NBAS: variants seen among roughly 807,000 people sequenced by gnomAD.
The protein encoded by NBAS is NAG/BC035112 fusion.
In NBAS, 219 loss-of-function variants were observed where a neutral mutation model predicts 302.5. The ratio of observed to expected loss-of-function variants is 0.72; its 90% CI spans 0.65 to 0.81. NBAS has a LOEUF of 0.81. Among genes scored for constraint, NBAS ranks in the 30% least tolerant of loss-of-function variants. The probability of loss-of-function intolerance (pLI) is 0.00; values close to 1 mark genes in which losing one functional copy is unlikely to be tolerated. For missense variants in NBAS, 2,932 were observed against 2,841.6 expected (o/e 1.03, Z -0.72); for synonymous variants, 1,118 against 1,021.6 (o/e 1.09, Z -1.80).
intron 42 of NBAS, among the ~76,000 whole-genome samples, chr2:15,283,336 A>T (rs1163468353): frequency 4.6e-5 from 7 of 151,972 alleles, no homozygotes; most frequent in African/African-American, 1.2e-4. Flanking sequence ...CCCAAATCTC[A>T]TCTTGAATTA....
At chr2:14,865,230 TC>T in the NBAS span, among the ~76,000 whole-genome samples, 11 of 151,052 alleles carry the variant, frequency 7.3e-5, no homozygotes, top group Middle Eastern at 7.0e-3. Context: ...CTAACTTCTT[TC>T]CCCATCACCT....
At chr2:15,191,249 A>C (rs1200934211) in intron 48 of NBAS, among the ~76,000 whole-genome samples, 4 of 152,230 alleles carry the variant, frequency 2.6e-5, no homozygotes, top group Non-Finnish European at 4.4e-5. Flanking sequence ...AATGAGAATG[A>C]ATGGTTACCT....
the NBAS span, among the ~76,000 whole-genome samples, chr2:14,796,369 CTACA>C: frequency 2.0e-5 from 3 of 152,160 alleles, no homozygotes; most frequent in Admixed American, 6.5e-5. Flanking sequence ...CTGTTAGTTT[CTACA>C]TAAAGTGACT....
chr2:15,210,849 G>A (rs1666375028), intron 48 of NBAS, among the ~76,000 whole-genome samples: 2 of 152,178 alleles, frequency 1.3e-5, no homozygotes, highest in African/African-American at 4.8e-5. Flanking sequence ...AGGTCATAAT[G>A]TTAAGTGAAA....
chr2:15,233,785 G>A (rs1667477775), intron 46 of NBAS, among the ~76,000 whole-genome samples: 1 of 152,010 alleles, frequency 6.6e-6, no homozygotes, highest in Non-Finnish European at 1.5e-5. Context: ...ACTGATAAAG[G>A]CTCATTTGAT....
At chr2:15,046,081 G>A in the NBAS span, among the ~76,000 whole-genome samples, 28 of 152,254 alleles carry the variant, frequency 1.8e-4, no homozygotes, top group East Asian at 4.1e-3. Flanking sequence ...CATAGGCACT[G>A]TCTCTCCTTA....
At chr2:14,779,574 G>A in the NBAS span, among the ~76,000 whole-genome samples, 3 of 152,000 alleles carry the variant, frequency 2.0e-5, no homozygotes, top group East Asian at 1.9e-4. Flanking sequence ...CCTGCTATCC[G>A]CTCTGCCTAC....
intron 31 of NBAS, among the ~76,000 whole-genome samples, chr2:15,366,908 A>G (rs946731711): frequency 7.4e-4 from 113 of 152,200 alleles, no homozygotes; most frequent in Admixed American, 7.4e-3. Context: ...CTTCATAACC[A>G]AACTTCTGAA....
At chr2:15,196,144 C>G (rs1665609568) in intron 48 of NBAS, among the ~76,000 whole-genome samples, 1 of 152,188 alleles carries the variant, frequency 6.6e-6, no homozygotes, top group Non-Finnish European at 1.5e-5. Flanking sequence ...CTCGGGCTCT[C>G]TCTGCCTTAC....
At chr2:15,505,197 A>G (rs946731866) in intron 10 of NBAS, among the ~76,000 whole-genome samples, 7 of 152,226 alleles carry the variant, frequency 4.6e-5, no homozygotes, top group African/African-American at 1.4e-4. Context: ...ACCTGCCACA[A>G]GGTGTGGTGG....
At chr2:14,817,367 A>G in the NBAS span, among the ~76,000 whole-genome samples, 1 of 152,152 alleles carries the variant, frequency 6.6e-6, no homozygotes, top group Non-Finnish European at 1.5e-5. Flanking sequence ...TACATATTTC[A>G]TAACTATGTT....
chr2:15,469,002 T>G (rs531892798), intron 16 of NBAS, among the ~76,000 whole-genome samples: 2 of 152,346 alleles, frequency 1.3e-5, no homozygotes, highest in South Asian at 4.2e-4. Context: ...GTGAATAACT[T>G]GATCATAAAA....
At chr2:15,457,373 A>G (rs545007149) in intron 21 of NBAS, among the ~76,000 whole-genome samples, 1 of 152,330 alleles carries the variant, frequency 6.6e-6, no homozygotes, top group African/African-American at 2.4e-5. Flanking sequence ...GTACACTCTC[A>G]TAGAAGAATA....
chr2:14,787,496 A>C, the NBAS span, among the ~76,000 whole-genome samples: 1 of 151,996 alleles, frequency 6.6e-6, no homozygotes, highest in Middle Eastern at 3.4e-3. Context: ...TTCCTTCAGG[A>C]GCTCTTTTAG....
At chr2:15,121,618 T>G in the NBAS span, among the ~76,000 whole-genome samples, 1 of 152,318 alleles carries the variant, frequency 6.6e-6, no homozygotes, top group East Asian at 1.9e-4. Context: ...TTTCCTTCAA[T>G]TATAAAAGGA....
chr2:15,386,058 C>T (rs940108260), intron 28 of NBAS, among the ~76,000 whole-genome samples: 1 of 152,056 alleles, frequency 6.6e-6, no homozygotes, highest in Non-Finnish European at 1.5e-5. Context: ...ATCTAAATTA[C>T]CAGAGAGGGC....
chr2:15,038,797 A>G, the NBAS span, among the ~76,000 whole-genome samples: 164 of 152,350 alleles, frequency 1.1e-3, no homozygotes, highest in African/African-American at 3.8e-3. Context: ...TTTGGCCCGT[A>G]GCCACTCCAT....
intron 32 of NBAS, among the ~76,000 whole-genome samples, chr2:15,357,931 C>T (rs1009871664): frequency 6.6e-6 from 1 of 152,090 alleles, no homozygotes; most frequent in African/African-American, 2.4e-5. Context: ...AAGAGAATGG[C>T]CATTCTTCTG....
At chr2:15,441,337 G>C (rs1249973222) in intron 21 of NBAS, among the ~76,000 whole-genome samples, 2 of 152,190 alleles carry the variant, frequency 1.3e-5, no homozygotes, top group Non-Finnish European at 2.9e-5. Flanking sequence ...CCAGAAGAGA[G>C]TGGGGGCCAA....
Sources: allele counts gnomAD v4.1 joint callset (sites outside exome capture counted in the v4.1 genomes callset), GRCh38; gene constraint gnomAD v4.1.1; transcripts MANE v1.5; gene names NCBI Gene and HGNC (gene_info 2026-07-23, HGNC 2026-07-21).